GLI3: variants seen among roughly 807,000 people sequenced by gnomAD.
GLI3 encodes transcription activator GLI3.
In GLI3, 20 loss-of-function variants were observed where a neutral mutation model predicts 100.8. The ratio of observed to expected loss-of-function variants is 0.20; its 90% CI spans 0.14 to 0.29. GLI3 has a LOEUF of 0.29. GLI3 is among the 10% of genes least tolerant of loss of function. The pLI, the probability that GLI3 is intolerant of heterozygous loss-of-function variation, is 1.00. For synonymous variants in GLI3, 938 were observed against 860.5 expected (o/e 1.09, Z -1.58); for missense variants, 2,040 against 2,128.5 (o/e 0.96, Z 0.82).
At chr7:42,161,389 C>T (rs1444025587) in intron 2 of GLI3, among the ~76,000 whole-genome samples, 2 of 152,128 alleles carry the variant, frequency 1.3e-5, no homozygotes, top group African/African-American at 2.4e-5. Context: ...GAAACTAAAT[C>T]GCCTGTTAAA....
intron 10 of GLI3, among the ~76,000 whole-genome samples, chr7:41,981,547 C>T (rs753505000): frequency 2.6e-5 from 4 of 152,150 alleles, no homozygotes; most frequent in Non-Finnish European, 5.9e-5. Flanking sequence ...TCATCCAACA[C>T]ACTGGAGGAG....
rs1159136756 is a variant in GLI3, at chr7:41,977,757, C to A, written c.1648-35G>T. 10 of 1,590,746 alleles carry A rather than the reference C, an allele frequency of 6.3e-6. No individual in the cohort carries two copies. In the South Asian group the frequency reaches 8.8e-5, roughly 14 times the overall value. On this transcript the variant is annotated intron_variant, in intron 11 of 14. Coordinates refer to ENST00000395925, the MANE Select transcript of GLI3 (RefSeq NM_000168.6). ...ACAGGTAAATCTGGATTACTCTGCA[C>A]AATGGCAACAGCAGCTTATGCCTAA...
chr7:42,184,610 A>C (rs1787682666), intron 2 of GLI3, among the ~76,000 whole-genome samples: 1 of 152,180 alleles, frequency 6.6e-6, no homozygotes, highest in Non-Finnish European at 1.5e-5. Context: ...TGAATGAATG[A>C]AGCCATGTAA....
At chr7:41,984,787 A>G (rs1787769270) in intron 10 of GLI3, among the ~76,000 whole-genome samples, 1 of 152,250 alleles carries the variant, frequency 6.6e-6, no homozygotes, top group Admixed American at 6.5e-5. Context: ...GTCAGTATCT[A>G]ATGTTTCTCA....
chr7:42,033,519 A>C (rs952672992), intron 7 of GLI3, among the ~76,000 whole-genome samples: 1 of 152,222 alleles, frequency 6.6e-6, no homozygotes, highest in African/African-American at 2.4e-5. Flanking sequence ...GATTGGAAGT[A>C]AAGTCAGGCA....
At chr7:41,968,713 G>GA (rs1554305425) in intron 13 of GLI3, among the ~76,000 whole-genome samples, 3,999 of 92,724 alleles carry the variant, frequency 0.043, 269 homozygotes, top group African/African-American at 0.12. Context: ...AAGAAAGAAA[G>GA]AAGAAAGAAA....
intron 1 of GLI3, among the ~76,000 whole-genome samples, chr7:42,228,602 C>G (rs916608190): frequency 1.3e-5 from 2 of 152,236 alleles, no homozygotes; most frequent in African/African-American, 4.8e-5. Flanking sequence ...GCTCTTTTAA[C>G]TGGCTGAATT....
chr7:42,182,959 A>T (rs1430989491), intron 2 of GLI3, among the ~76,000 whole-genome samples: 1 of 151,938 alleles, frequency 6.6e-6, no homozygotes, highest in East Asian at 1.9e-4. Flanking sequence ...GGTGGTTCAC[A>T]TCTGTAATCC....
chr7:41,999,679 G>C (rs1401376873), intron 10 of GLI3, among the ~76,000 whole-genome samples: 1 of 152,124 alleles, frequency 6.6e-6, no homozygotes, highest in African/African-American at 2.4e-5. Flanking sequence ...AACAAGTGGG[G>C]GCCACTCCTT....
At chr7:42,044,160 T>C (rs550085561) in intron 6 of GLI3, among the ~76,000 whole-genome samples, 18 of 152,194 alleles carry the variant, frequency 1.2e-4, no homozygotes, top group Non-Finnish European at 2.1e-4. Flanking sequence ...ACTAAATAAC[T>C]AGAGGACATA....
At chr7:42,205,060 G>C (rs913846981) in intron 2 of GLI3, among the ~76,000 whole-genome samples, 1 of 152,204 alleles carries the variant, frequency 6.6e-6, no homozygotes, top group Admixed American at 6.5e-5. Flanking sequence ...AGTGTACGAA[G>C]TTGAGGCTTA....
chr7:42,244,206 G>T (rs1363822446), intron 1 of GLI3, among the ~76,000 whole-genome samples: 1 of 152,096 alleles, frequency 6.6e-6, no homozygotes, highest in African/African-American at 2.4e-5. Flanking sequence ...TCTTACAGAG[G>T]GTTCTTGGGA....
intron 4 of GLI3, among the ~76,000 whole-genome samples, chr7:42,052,916 A>C (rs1386600189): frequency 6.6e-6 from 1 of 152,216 alleles, no homozygotes; most frequent in East Asian, 1.9e-4. Flanking sequence ...AATAGTCTTT[A>C]AATAAAGGTG....
At chr7:42,106,034 G>A (rs779634910) in intron 3 of GLI3, among the ~76,000 whole-genome samples, 21 of 152,106 alleles carry the variant, frequency 1.4e-4, no homozygotes, top group Non-Finnish European at 2.5e-4. Context: ...TTGGTTTTTG[G>A]CCAAGCAGGC....
chr7:42,093,104 G>A (rs1213176763), intron 3 of GLI3, among the ~76,000 whole-genome samples: 3 of 149,540 alleles, frequency 2.0e-5, no homozygotes, highest in East Asian at 2.1e-4. Context: ...ATGAGCCACC[G>A]CGCCTGGCCA....
intron 2 of GLI3, among the ~76,000 whole-genome samples, chr7:42,201,555 G>A (rs888861280): frequency 2.6e-5 from 4 of 152,158 alleles, no homozygotes; most frequent in Non-Finnish European, 5.9e-5. Flanking sequence ...ATGCAAGGAT[G>A]GGAACACATT....
intron 13 of GLI3, among the ~76,000 whole-genome samples, chr7:41,968,819 C>T (rs1209411888): frequency 6.6e-6 from 1 of 150,912 alleles, no homozygotes; most frequent in Non-Finnish European, 1.5e-5. Context: ...CAGATCACAG[C>T]CGTCATGAGT....
rs10248828 is a variant in GLI3, at chr7:42,023,212, G to A, written c.1497+256C>T. Among the ~76,000 whole-genome samples, 9,471 of 152,242 alleles carry A rather than the reference G, an allele frequency of 0.062. 426 individuals carry two copies. Among genetic ancestry groups the A allele is most frequent in the Non-Finnish European group, 0.096 (6,539 of 68,008 alleles). On this transcript the variant is annotated intron_variant, in intron 10 of 14. Transcript: ENST00000395925. The stretch of plus-strand genomic sequence containing the variant: ...ATCAAAGTCGCTAACTCAAAATAGT[G>A]TTTTCTGGCTTACAGGATCAGAGTC...
At position 41,961,466 on chromosome 7, in the gene GLI3, T is replaced by C. The variant is rs1390252405; in HGVS notation, c.*2864A>G. The C allele has an allele frequency of 1.3e-5, 2 of 152,582 alleles. No individual in the cohort carries two copies. The highest frequency in any genetic ancestry group is 1.3e-4 in the Admixed American group (2 of 15,276). The allele number at this position is 152,582 out of a possible 1,614,324, so 9.5% of individuals were successfully genotyped here. ...CAAGATTAACATAAAATAAGGCACA[T>C]ACATCGCAAGAATCAAAACTTTGTG... On this transcript the variant is annotated 3_prime_UTR_variant, in exon 15 of 15. Transcript: ENST00000395925.
Sources: gnomAD v4.1 joint callset for allele counts (sites outside exome capture counted in the v4.1 genomes callset) on GRCh38, gnomAD v4.1.1 for gene constraint, MANE v1.5 for transcripts, NCBI Gene and HGNC (gene_info 2026-07-23, HGNC 2026-07-21) for gene names.